Variants in ZNF148 observed in about 807,000 individuals in gnomAD.
ZNF148 encodes Beta-Enolase Repressor Factor-1.
Under a neutral mutation model 67.7 loss-of-function variants are expected in ZNF148, and 7 were observed. That is an observed-to-expected ratio of 0.10 (90% CI 0.06 to 0.19). ZNF148 has a LOEUF of 0.19. Among genes scored for constraint, ZNF148 ranks in the 10% least tolerant of loss-of-function variants. The probability of loss-of-function intolerance (pLI) is 1.00; values close to 1 mark genes in which losing one functional copy is unlikely to be tolerated. For missense variants in ZNF148, 583 were observed against 947.1 expected (o/e 0.62, Z 5.05); for synonymous variants, 333 against 330.7 (o/e 1.01, Z -0.08).
At chr3:125,244,272 T>C (rs2107533561) in intron 7 of ZNF148, among the ~76,000 whole-genome samples, 1 of 152,284 alleles carries the variant, frequency 6.6e-6, no homozygotes, top group African/African-American at 2.4e-5. Flanking sequence ...AATATATGGG[T>C]AACTGTTAAG....
chr3:125,346,378 A>ATAG (rs1941943632), intron 1 of ZNF148, among the ~76,000 whole-genome samples: 1 of 151,424 alleles, frequency 6.6e-6, no homozygotes, highest in Non-Finnish European at 1.5e-5. Flanking sequence ...AAGTAAAATA[A>ATAG]GTGCTTCCCC....
At chr3:125,322,954 G>T (rs1048900912) in intron 3 of ZNF148, among the ~76,000 whole-genome samples, 5 of 152,170 alleles carry the variant, frequency 3.3e-5, no homozygotes, top group Non-Finnish European at 5.9e-5. Context: ...TCCTCGGTAT[G>T]AAAACAGTTT....
At chr3:125,362,990 AT>A (rs751670875) in intron 1 of ZNF148, among the ~76,000 whole-genome samples, 5 of 152,062 alleles carry the variant, frequency 3.3e-5, no homozygotes, top group Non-Finnish European at 7.4e-5. Flanking sequence ...CAAATTGTGG[AT>A]ATTTTCCCAA....
At chr3:125,270,675 A>C (rs1937685570) in intron 7 of ZNF148, among the ~76,000 whole-genome samples, 1 of 152,126 alleles carries the variant, frequency 6.6e-6, no homozygotes, top group African/African-American at 2.4e-5. Flanking sequence ...GGCAAACCAA[A>C]CCATACTATG....
intron 1 of ZNF148, among the ~76,000 whole-genome samples, chr3:125,356,776 G>A (rs1341035549): frequency 6.6e-6 from 1 of 152,196 alleles, no homozygotes; most frequent in Non-Finnish European, 1.5e-5. Flanking sequence ...TACTGCACAA[G>A]TAGTTCTTTC....
chr3:125,250,243 A>G (rs1190998506), intron 7 of ZNF148, among the ~76,000 whole-genome samples: 1 of 152,244 alleles, frequency 6.6e-6, no homozygotes. Context: ...ATGTATACAT[A>G]TATCATGTTG....
intron 1 of ZNF148, among the ~76,000 whole-genome samples, chr3:125,333,753 A>G (rs1285869984): frequency 6.6e-6 from 1 of 152,234 alleles, no homozygotes; most frequent in African/African-American, 2.4e-5. Context: ...GCAGATATAA[A>G]CAGATTAAGA....
At position 125,235,125 on chromosome 3, in the gene ZNF148, T is replaced by C. The variant is rs80032866; in HGVS notation, c.668-796A>G. ...AGAAGGGTATGACAAGAAGTTACCT[T>C]GAATAATGCTTGTTGGGGAAACTAC... On this transcript the variant is annotated intron_variant, in intron 7 of 8. Coordinates refer to ENST00000360647, the MANE Select transcript of ZNF148 (RefSeq NM_021964.3). Among the ~76,000 whole-genome samples the C allele has an allele frequency of 5.5e-3, 838 of 152,296 alleles. 7 individuals are homozygous for C. Among genetic ancestry groups the C allele is most frequent in the African/African-American group, 0.019 (792 of 41,552 alleles).
rs781152095 is a variant in ZNF148, at chr3:125,233,879, T to G, written c.847A>C (p.Lys283Gln). 4 of 1,612,396 alleles carry G rather than the reference T, an allele frequency of 2.5e-6. No individual in the cohort carries two copies. Among genetic ancestry groups the G allele is most frequent in the Admixed American group, 3.3e-5 (2 of 59,800 alleles). ...TTGATGGCACATCTATTTAGTTTTT[T>G]GTCATGATTTTCATGGCACATACGT... The part of the protein sequence containing the change: ...HKRMCHENHD[K>Q]KLNRCAIKGG... Residue 283 changes from lysine to glutamine, a missense_variant, in exon 9 of 9, where the codon AAA (lysine) becomes CAA (glutamine). Around this residue, in one of 5 missense-constraint regions of ZNF148, gnomAD observed 78 missense variants for 86.5 expected, o/e 0.90. Coordinates refer to ENST00000360647, the MANE Select transcript of ZNF148 (RefSeq NM_021964.3). The surrounding 1 kb of genome is among the most constrained non-coding windows in gnomAD (Gnocchi z 5.1).
chr3:125,298,102 G>T (rs1026870150), intron 4 of ZNF148, among the ~76,000 whole-genome samples: 2 of 151,946 alleles, frequency 1.3e-5, no homozygotes, highest in African/African-American at 2.4e-5. Flanking sequence ...TGCTTATTTC[G>T]AATTCAAAGT....
At chr3:125,282,728 CAT>C (rs2107615170) in intron 5 of ZNF148, among the ~76,000 whole-genome samples, 1 of 152,222 alleles carries the variant, frequency 6.6e-6, no homozygotes, top group Non-Finnish European at 1.5e-5. Context: ...TAAATATACA[CAT>C]ATGGTAAAGG....
At chr3:125,279,995 T>C (rs1352253710) in intron 5 of ZNF148, among the ~76,000 whole-genome samples, 1 of 146,318 alleles carries the variant, frequency 6.8e-6, no homozygotes, top group East Asian at 2.0e-4. Context: ...TACCTATTAC[T>C]AAAAAAAAAA....
intron 1 of ZNF148, among the ~76,000 whole-genome samples, chr3:125,360,882 A>C (rs531105252): frequency 1.3e-5 from 2 of 150,952 alleles, no homozygotes; most frequent in African/African-American, 4.8e-5. Flanking sequence ...TATAGAAAAG[A>C]AAAGCCAGGT....
intron 6 of ZNF148, 138 bp from the exon 7 acceptor site, chr3:125,277,947 T>G (rs1938161096): frequency 3.5e-6 from 2 of 565,080 alleles, no homozygotes; most frequent in Non-Finnish European, 5.9e-6. Flanking sequence ...TTAATGTTAT[T>G]AACAGAATTT....
intron 1 of ZNF148, among the ~76,000 whole-genome samples, chr3:125,368,331 T>C (rs112134772): frequency 5.9e-5 from 9 of 152,364 alleles, no homozygotes; most frequent in African/African-American, 1.4e-4. Flanking sequence ...CTTACTCATT[T>C]ATTCACTCCA....
rs573414513 is a variant in ZNF148 at position 125,325,523 on chromosome 3, T to C, written c.-152-2079A>G. Among the ~76,000 whole-genome samples the C allele has an allele frequency of 3.3e-5, 5 of 152,214 alleles. No individual in the cohort carries two copies. The South Asian group carries it at 6.2e-4, about 19-fold the overall frequency. The stretch of plus-strand genomic sequence containing the variant: ...CTCAGTTGCCCAGGCTGGAGTGCGA[T>C]AGTACAATCTTGGCTCAGTGCAACC... On this transcript the variant is annotated intron_variant, in intron 2 of 8. Transcript: ENST00000360647.
At chr3:125,238,755 C>T (rs1380091778) in intron 7 of ZNF148, among the ~76,000 whole-genome samples, 2 of 152,152 alleles carry the variant, frequency 1.3e-5, no homozygotes, top group Admixed American at 1.3e-4. Flanking sequence ...CAATTCCATT[C>T]CTAGGTACAT....
chr3:125,289,572 A>G (rs1386327744), intron 4 of ZNF148, among the ~76,000 whole-genome samples: 1 of 152,218 alleles, frequency 6.6e-6, no homozygotes, highest in Non-Finnish European at 1.5e-5. Context: ...CAGACCTCTT[A>G]TCACCTCTGA....
chr3:125,287,732 T>C (rs2107623814), intron 5 of ZNF148, among the ~76,000 whole-genome samples: 1 of 152,304 alleles, frequency 6.6e-6, no homozygotes. Context: ...GTCCCTGCCC[T>C]CATGAAGTTT....
Sources: allele counts gnomAD v4.1 joint callset (sites outside exome capture counted in the v4.1 genomes callset), GRCh38; gene constraint gnomAD v4.1.1; regional missense constraint gnomAD v4.1.1; non-coding constraint Gnocchi (gnomAD v3.1); transcripts MANE v1.5; gene names NCBI Gene and HGNC (gene_info 2026-07-23, HGNC 2026-07-21).